TMEM132C: variants seen among roughly 807,000 people sequenced by gnomAD.
The protein encoded by TMEM132C is transmembrane protein 132C, also known as protein phosphatase 1, regulatory subunit 152.
TMEM132C carries 29 observed loss-of-function variants against 61.4 expected under a neutral mutation model. The ratio of observed to expected loss-of-function variants is 0.47; its 90% confidence interval spans 0.35 to 0.64. TMEM132C has a LOEUF of 0.64. Among genes scored for constraint, TMEM132C ranks in the 30% least tolerant of loss-of-function variants. The probability of loss-of-function intolerance (pLI) is 0.00; values close to 1 mark genes in which losing one functional copy is unlikely to be tolerated. For synonymous variants in TMEM132C, 656 were observed against 633.1 expected (o/e 1.04, Z -0.54); for missense variants, 1,408 against 1,476.9 (o/e 0.95, Z 0.76).
intron 5 of TMEM132C, 137 bp from the exon 6 acceptor site, chr12:128,693,692 C>T: frequency 1.0e-6 from 1 of 994,034 alleles, no homozygotes; most frequent in Non-Finnish European, 1.5e-6. Context: ...TGCACCAAAT[C>T]CTTGTCTCAG....
chr12:128,623,066 AG>A (rs1202284327), intron 4 of TMEM132C, among the ~76,000 whole-genome samples: 1 of 152,214 alleles, frequency 6.6e-6, no homozygotes, highest in Non-Finnish European at 1.5e-5. Context: ...TTGCCTAAAA[AG>A]TAAATCTCTG....
intron 1 of TMEM132C, chr12:128,404,884 T>C (rs1875286007): frequency 1.3e-5 from 2 of 152,178 alleles, no homozygotes; most frequent in African/African-American, 2.4e-5. Context: ...AGTTCTCCGA[T>C]GAACAACCGG....
At chr12:128,298,303 T>C (rs1171931746) in intron 1 of TMEM132C, among the ~76,000 whole-genome samples, 2 of 152,230 alleles carry the variant, frequency 1.3e-5, no homozygotes, top group Non-Finnish European at 2.9e-5. Context: ...CCCCGGGCCA[T>C]GTGCATTGTG....
At chr12:128,542,854 C>A (rs1169805568) in intron 2 of TMEM132C, among the ~76,000 whole-genome samples, 1 of 91,580 alleles carries the variant, frequency 1.1e-5, no homozygotes, top group East Asian at 3.6e-4. Context: ...AACAATACTT[C>A]GATGCAAAAA....
intron 2 of TMEM132C, among the ~76,000 whole-genome samples, chr12:128,459,733 A>G (rs1870469865): frequency 6.6e-6 from 1 of 151,880 alleles, no homozygotes; most frequent in African/African-American, 2.4e-5. Flanking sequence ...AAAAATACAA[A>G]AATTAGCCAG....
intron 2 of TMEM132C, among the ~76,000 whole-genome samples, chr12:128,430,564 T>A (rs1869349147): frequency 6.6e-6 from 1 of 152,236 alleles, no homozygotes; most frequent in Admixed American, 6.5e-5. Context: ...TTCAGTTTAC[T>A]GCATTTCACA....
intron 4 of TMEM132C, among the ~76,000 whole-genome samples, chr12:128,647,281 G>A (rs1258774203): frequency 2.0e-5 from 3 of 151,252 alleles, no homozygotes; most frequent in Non-Finnish European, 4.4e-5. Flanking sequence ...GGATGTGAGT[G>A]TGTTTACTGG....
chr12:128,312,314 T>C (rs529924886), intron 1 of TMEM132C, among the ~76,000 whole-genome samples: 1 of 152,202 alleles, frequency 6.6e-6, no homozygotes, highest in Non-Finnish European at 1.5e-5. Flanking sequence ...TTTGTTTGTT[T>C]GTTCGTTTTT....
At chr12:128,688,708 A>G (rs11059832) in intron 5 of TMEM132C, among the ~76,000 whole-genome samples, 98,021 of 152,116 alleles carry the variant, frequency 0.64, 32,385 homozygotes, top group Middle Eastern at 0.74. Flanking sequence ...GAAAAAGACA[A>G]ATCAAGCAAA....
chr12:128,272,359 C>T (rs1870551936), intron 1 of TMEM132C, among the ~76,000 whole-genome samples: 1 of 152,178 alleles, frequency 6.6e-6, no homozygotes, highest in Non-Finnish European at 1.5e-5. Context: ...TAGTTTGTTC[C>T]TTTTCAATGC....
At position 128,616,341 on chromosome 12, in the gene TMEM132C, T is replaced by TCCTGAGTTA. The variant is rs1876799912; in HGVS notation, c.1305+10_1305+18dup. The TCCTGAGTTA allele has an allele frequency of 5.8e-6, 9 of 1,548,678 alleles. No individual in the cohort carries two copies. Among genetic ancestry groups the TCCTGAGTTA allele is most frequent in the Non-Finnish European group, 7.9e-6 (9 of 1,145,056 alleles). ...GCATCGTTCCCTTGGCTATGGTGAG[T>TCCTGAGTTA]CCTGAGTTACCTTGGATGCTCCTGC... is the stretch of plus-strand genomic sequence containing the variant. On this transcript the variant is annotated splice_region_variant and intron_variant, in intron 4 of 8. Transcript: ENST00000435159.
chr12:128,381,357 G>T (rs1402108048), intron 1 of TMEM132C, among the ~76,000 whole-genome samples: 3 of 152,160 alleles, frequency 2.0e-5, no homozygotes, highest in Non-Finnish European at 2.9e-5. Context: ...GGAGAGTGAA[G>T]CTTGTCCCAT....
At chr12:128,494,558 T>G (rs1479021708) in intron 2 of TMEM132C, among the ~76,000 whole-genome samples, 38 of 152,328 alleles carry the variant, frequency 2.5e-4, no homozygotes, top group Admixed American at 2.5e-3. Context: ...ATTCAACTTC[T>G]TCTTGGTTTA....
intron 5 of TMEM132C, among the ~76,000 whole-genome samples, chr12:128,674,269 T>G (rs1166120212): frequency 6.6e-6 from 1 of 152,242 alleles, no homozygotes; most frequent in Non-Finnish European, 1.5e-5. Flanking sequence ...CTCATCTACA[T>G]GGTAGCATGG....
rs80191879 is a variant in TMEM132C at position 128,600,682 on chromosome 12, A to G, written c.1122-15470A>G. On this transcript the variant is annotated intron_variant, in intron 3 of 8. Coordinates refer to ENST00000435159, the MANE Select transcript of TMEM132C (RefSeq NM_001136103.3). Reference sequence around the variant, plus strand: ...CAGTCTCCTCGCGTGTCTTTAGCCAAATGGATGGGGCCCTGATCACAGGTG... The same window carrying G: ...CAGTCTCCTCGCGTGTCTTTAGCCAGATGGATGGGGCCCTGATCACAGGTG... 7.7e-3 allele frequency among the ~76,000 whole-genome samples: 1,167 copies of G among 152,224 alleles called. 20 individuals are homozygous for G. The highest frequency in any genetic ancestry group is 0.027 in the African/African-American group (1,113 of 41,536).
At chr12:128,664,368 G>A (rs957715231) in intron 4 of TMEM132C, among the ~76,000 whole-genome samples, 13 of 152,244 alleles carry the variant, frequency 8.5e-5, no homozygotes, top group African/African-American at 2.9e-4. Flanking sequence ...GAAGCCTCTG[G>A]CTTTTTTCAA....
At chr12:128,328,359 G>A (rs1872584364) in intron 1 of TMEM132C, among the ~76,000 whole-genome samples, 1 of 152,162 alleles carries the variant, frequency 6.6e-6, no homozygotes, top group African/African-American at 2.4e-5. Flanking sequence ...CACTGACTGT[G>A]GGGAAGGAAC....
At chr12:128,435,024 A>G (rs1024473747) in intron 2 of TMEM132C, among the ~76,000 whole-genome samples, 4 of 152,000 alleles carry the variant, frequency 2.6e-5, no homozygotes, top group African/African-American at 7.2e-5. Flanking sequence ...TCCGAATGTG[A>G]CTTCATTTGG....
Position 128,695,817 on chromosome 12 carries a change from C to T in TMEM132C, c.1656-13C>T. ...CTCCCTGGATCTGAGAGCTCTTTGT[C>T]CCTTCCCACAAGGCCCACTCGTGAG... On this transcript the variant is annotated splice_polypyrimidine_tract_variant and intron_variant, in intron 6 of 8. Coordinates refer to ENST00000435159, the MANE Select transcript of TMEM132C (RefSeq NM_001136103.3). 6.5e-7 allele frequency: 1 copy of T among 1,531,632 alleles called. No homozygotes were observed. The highest frequency in any genetic ancestry group is 1.2e-5 in the South Asian group (1 of 81,310). The allele number at this position is 1,531,632 out of a possible 1,614,324, so 94.9% of individuals were successfully genotyped here.
Sources: gnomAD v4.1 joint callset for allele counts (sites outside exome capture counted in the v4.1 genomes callset) on GRCh38, gnomAD v4.1.1 for gene constraint, MANE v1.5 for transcripts, NCBI Gene and HGNC (gene_info 2026-07-23, HGNC 2026-07-21) for gene names.